The following SHLD1 variants were observed in gnomAD, a reference collection of about 807,000 sequenced individuals.
The protein encoded by SHLD1 is shieldin complex subunit 1.
Under a neutral mutation model 5.5 loss-of-function variants are expected in SHLD1, and 3 were observed. The observed-to-expected ratio is 0.54, with a 90% confidence interval of 0.25 to 1.40. The LOEUF is 1.40. SHLD1 is among the 40% of genes most tolerant of loss of function. SHLD1 has a pLI of 0.15. For synonymous variants in SHLD1, 92 were observed against 94.3 expected (o/e 0.98, Z 0.14); for missense variants, 210 against 244.4 (o/e 0.86, Z 0.94).
chr20:5,784,397 T>C (rs1330272770), intron 2 of SHLD1, among the ~76,000 whole-genome samples: 1 of 151,988 alleles, frequency 6.6e-6, no homozygotes, highest in Admixed American at 6.6e-5. Context: ...TCACATTAAA[T>C]AGTCACTGGA....
At chr20:5,802,686 G>A (rs1315156723) in intron 2 of SHLD1, among the ~76,000 whole-genome samples, 2 of 150,894 alleles carry the variant, frequency 1.3e-5, no homozygotes, top group South Asian at 2.1e-4. Flanking sequence ...TCACTCTGTT[G>A]CTCAGGCTGG....
chr20:5,799,935 C>T (rs2087267644), intron 2 of SHLD1, among the ~76,000 whole-genome samples: 1 of 151,546 alleles, frequency 6.6e-6, no homozygotes, highest in Non-Finnish European at 1.5e-5. Context: ...GAGCTAATCT[C>T]TTTTGAATGG....
At chr20:5,780,253 C>G (rs1391719308) in intron 2 of SHLD1, among the ~76,000 whole-genome samples, 1 of 152,118 alleles carries the variant, frequency 6.6e-6, no homozygotes, top group Non-Finnish European at 1.5e-5. Context: ...TGCTGAATTA[C>G]AGGTGTGAGC....
At chr20:5,768,452 A>G (rs1984968188) in intron 1 of SHLD1, among the ~76,000 whole-genome samples, 1 of 152,196 alleles carries the variant, frequency 6.6e-6, no homozygotes, top group Non-Finnish European at 1.5e-5. Context: ...TCACTGTGTT[A>G]ACAAGGTATG....
chr20:5,777,044 A>G (rs546221672), intron 2 of SHLD1, among the ~76,000 whole-genome samples: 5 of 151,238 alleles, frequency 3.3e-5, no homozygotes, highest in Non-Finnish European at 7.4e-5. Context: ...GGCTGAGTGC[A>G]GTGGCACAAT....
At chr20:5,844,796 TA>T (rs373800794) in intron 2 of SHLD1, among the ~76,000 whole-genome samples, 9,927 of 90,916 alleles carry the variant, frequency 0.11, 521 homozygotes, top group Admixed American at 0.12. Flanking sequence ...TATATATATA[TA>T]TATTTTTTTT....
In SHLD1 at chr20:5,750,920, C is replaced by T. The variant is rs561668478; in HGVS notation, c.-5+441C>T. On this transcript the variant is annotated intron_variant, in intron 1 of 2. Transcript: ENST00000303142. ...ACTGAGGTGGGAGAATCGCTTGTGC[C>T]CCGGAGTTCCAGGCTGCAGTGAGCC... 2.6e-5 allele frequency among the ~76,000 whole-genome samples: 4 copies of T among 152,202 alleles called. No homozygotes were observed. In the East Asian group the frequency reaches 7.7e-4, roughly 29 times the overall value.
chr20:5,786,701 G>C (rs1210216309), intron 2 of SHLD1, among the ~76,000 whole-genome samples: 1 of 152,206 alleles, frequency 6.6e-6, no homozygotes, highest in Non-Finnish European at 1.5e-5. Context: ...TGCTCAGAGA[G>C]GCCAAGAAGA....
At chr20:5,857,613 A>T (rs1032854390) in intron 2 of SHLD1, among the ~76,000 whole-genome samples, 5 of 151,894 alleles carry the variant, frequency 3.3e-5, no homozygotes, top group African/African-American at 1.2e-4. Flanking sequence ...GTTTGAGATC[A>T]GCCTGGGCAA....
At chr20:5,762,400 G>A (rs904355366) in intron 1 of SHLD1, among the ~76,000 whole-genome samples, 1 of 152,058 alleles carries the variant, frequency 6.6e-6, no homozygotes, top group African/African-American at 2.4e-5. Context: ...ACCCTAGCCC[G>A]AATTAACCCC....
At chr20:5,851,600 A>G (rs2088011194) in intron 2 of SHLD1, among the ~76,000 whole-genome samples, 2 of 152,022 alleles carry the variant, frequency 1.3e-5, no homozygotes, top group Non-Finnish European at 2.9e-5. Context: ...ATAGTTTAAA[A>G]CATAAAACAA....
chr20:5,820,369 A>C (rs576521813), intron 2 of SHLD1, among the ~76,000 whole-genome samples: 1 of 152,388 alleles, frequency 6.6e-6, no homozygotes, highest in East Asian at 1.9e-4. Context: ...TATTTGGTAG[A>C]TCTTCAGAGA....
chr20:5,782,162 C>T (rs1159991180), intron 2 of SHLD1, among the ~76,000 whole-genome samples: 1 of 152,180 alleles, frequency 6.6e-6, no homozygotes, highest in Non-Finnish European at 1.5e-5. Flanking sequence ...TGCTGCTGGA[C>T]TTGAACACCC....
intron 1 of SHLD1, among the ~76,000 whole-genome samples, chr20:5,754,131 G>T (rs1300433306): frequency 6.6e-6 from 1 of 151,718 alleles, no homozygotes; most frequent in Non-Finnish European, 1.5e-5. Context: ...TTTTTCTTGA[G>T]ACAGGGTCTT....
chr20:5,804,270 C>CTATA (rs747821918), intron 2 of SHLD1, among the ~76,000 whole-genome samples: 1 of 150,740 alleles, frequency 6.6e-6, no homozygotes, highest in African/African-American at 2.4e-5. Flanking sequence ...GCCGTACTTA[C>CTATA]TATATATATA....
At chr20:5,807,441 T>C (rs2087394900) in intron 2 of SHLD1, among the ~76,000 whole-genome samples, 1 of 151,956 alleles carries the variant, frequency 6.6e-6, no homozygotes, top group Admixed American at 6.6e-5. Flanking sequence ...TGCGATCATA[T>C]CTCACTGCAG....
chr20:5,758,160 A>C (rs1648356285), intron 1 of SHLD1, among the ~76,000 whole-genome samples: 1 of 151,512 alleles, frequency 6.6e-6, no homozygotes. Context: ...GGACAAGTGC[A>C]GTGGGAGGAA....
rs116202159 is a variant in SHLD1 at position 5,862,450 on chromosome 20, G to A, written c.179-574G>A. ...AGGAAAACAGTCCCATCGTGCACAC[G>A]CACGGATCTCTAGAGCTATCCTGCT... On this transcript the variant is annotated intron_variant, in intron 2 of 2. Transcript: ENST00000303142. Among the ~76,000 whole-genome samples the A allele has an allele frequency of 4.7e-3, 722 of 152,320 alleles. 4 individuals are homozygous for A. The highest frequency in any genetic ancestry group is 0.017 in the African/African-American group (688 of 41,574).
intron 2 of SHLD1, among the ~76,000 whole-genome samples, chr20:5,826,111 C>T (rs1156637966): frequency 1.3e-5 from 2 of 152,204 alleles, no homozygotes; most frequent in African/African-American, 4.8e-5. Flanking sequence ...GTGAATACGA[C>T]TGCAGGTTAT....
Sources: allele counts gnomAD v4.1 joint callset (sites outside exome capture counted in the v4.1 genomes callset), GRCh38; gene constraint gnomAD v4.1.1; transcripts MANE v1.5; gene names NCBI Gene and HGNC (gene_info 2026-07-23, HGNC 2026-07-21).